The following DLGAP1 variants were observed in gnomAD, a reference collection of about 807,000 sequenced individuals.
DLGAP1 encodes disks large-associated protein 1.
A neutral mutation model predicts 90.8 loss-of-function variants in DLGAP1; 11 were observed. The observed-to-expected ratio is 0.12, with a 90% confidence interval of 0.08 to 0.20. The LOEUF is 0.20. Ranked by LOEUF, DLGAP1 falls within the 10% of genes least tolerant of loss-of-function variation. DLGAP1 has a pLI of 1.00. For missense variants in DLGAP1, 1,050 were observed against 1,333.8 expected (o/e 0.79, Z 3.31); for synonymous variants, 558 against 540.7 (o/e 1.03, Z -0.44).
chr18:3,747,514 C>G (rs8095503), intron 5 of DLGAP1, among the ~76,000 whole-genome samples: 32,246 of 152,186 alleles, frequency 0.21, 4,391 homozygotes, highest in African/African-American at 0.39. Context: ...ATTTTGCAAC[C>G]TGACCCAGAG....
chr18:4,239,083 T>C (rs2078476380), intron 1 of DLGAP1, among the ~76,000 whole-genome samples: 1 of 152,208 alleles, frequency 6.6e-6, no homozygotes, highest in African/African-American at 2.4e-5. Flanking sequence ...AGTGCACAAC[T>C]TCAGAGAGTG....
In DLGAP1 at chr18:4,084,240, T is replaced by TATATAGTAGTATATATAGTATA. The variant is rs1165785756; in HGVS notation, c.-159+66939_-159+66940insTATACTATATATACTACTATAT. 2.0e-5 allele frequency among the ~76,000 whole-genome samples: 3 copies of TATATAGTAGTATATATAGTATA among 151,586 alleles called. No individual in the cohort carries two copies. Among genetic ancestry groups the TATATAGTAGTATATATAGTATA allele is most frequent in the Non-Finnish European group, 4.4e-5 (3 of 67,870 alleles). On this transcript the variant is annotated intron_variant, in intron 2 of 12. Transcript: ENST00000315677. The surrounding 1 kb of genome is among the most constrained non-coding windows in gnomAD (Gnocchi z 4.0). ...GCAGCACGCAGTGGTTATAGTAGCATTCACGATTTGAATTTGAATCCTGTA... is the reference window on the plus strand; with the variant it reads ...GCAGCACGCAGTGGTTATAGTAGCATATATAGTAGTATATATAGTATATCACGATTTGAATTTGAATCCTGTA...
intron 8 of DLGAP1, chr18:3,580,254 G>A (rs1164870467): frequency 1.2e-6 from 2 of 1,603,156 alleles, no homozygotes; most frequent in Non-Finnish European, 1.7e-6. Flanking sequence ...AGACCAGTCA[G>A]TGGAGTGGGG....
chr18:3,933,757 G>A (rs1361758368), intron 3 of DLGAP1, among the ~76,000 whole-genome samples: 1 of 152,164 alleles, frequency 6.6e-6, no homozygotes, highest in Non-Finnish European at 1.5e-5. Flanking sequence ...TTTTGTATCT[G>A]TCTGTGGTTC....
chr18:4,370,790 C>G (rs1158452329), intron 1 of DLGAP1, among the ~76,000 whole-genome samples: 1 of 151,744 alleles, frequency 6.6e-6, no homozygotes, highest in South Asian at 2.1e-4. Context: ...GAAATAAGAC[C>G]TGTTTGTGAT....
intron 3 of DLGAP1, among the ~76,000 whole-genome samples, chr18:3,988,637 T>A (rs1466352536): frequency 6.6e-6 from 1 of 151,962 alleles, no homozygotes; most frequent in South Asian, 2.1e-4. Flanking sequence ...GTGATGCAAA[T>A]GATGGGGAGC....
chr18:4,210,893 G>A (rs2077827052), intron 1 of DLGAP1, among the ~76,000 whole-genome samples: 1 of 152,148 alleles, frequency 6.6e-6, no homozygotes, highest in African/African-American at 2.4e-5. Context: ...GCCCAGGAGA[G>A]GTTCAGTGAC....
chr18:4,376,356 A>T (rs1329323489), intron 1 of DLGAP1, among the ~76,000 whole-genome samples: 1 of 152,036 alleles, frequency 6.6e-6, no homozygotes, highest in East Asian at 1.9e-4. Context: ...TAAAAGCACA[A>T]CTCCCTTTGT....
At chr18:4,337,990 T>G (rs2081109961) in intron 1 of DLGAP1, among the ~76,000 whole-genome samples, 1 of 152,190 alleles carries the variant, frequency 6.6e-6, no homozygotes, top group African/African-American at 2.4e-5. Context: ...AAACACCACA[T>G]ATTTTAAAAC....
intron 1 of DLGAP1, among the ~76,000 whole-genome samples, chr18:4,418,160 A>G (rs561720907): frequency 6.6e-6 from 1 of 152,254 alleles, no homozygotes; most frequent in East Asian, 1.9e-4. Context: ...CCCAACTCCT[A>G]ACTAGTTTTA....
chr18:3,577,822 A>G (rs1227487879), intron 8 of DLGAP1, among the ~76,000 whole-genome samples: 1 of 152,206 alleles, frequency 6.6e-6, no homozygotes, highest in African/African-American at 2.4e-5. Context: ...ATCTAGGGTA[A>G]TCTACTTAAA....
At chr18:3,513,742 G>A (rs998125752) in intron 10 of DLGAP1, among the ~76,000 whole-genome samples, 8 of 152,224 alleles carry the variant, frequency 5.3e-5, no homozygotes, top group Admixed American at 3.9e-4. Flanking sequence ...TATGTTGGCT[G>A]TGGGAAAGGG....
chr18:4,089,752 G>T (rs565760265), intron 2 of DLGAP1, among the ~76,000 whole-genome samples: 1 of 152,106 alleles, frequency 6.6e-6, no homozygotes, highest in Non-Finnish European at 1.5e-5. Flanking sequence ...AATTGAAACC[G>T]GACCTCTTCC....
chr18:3,559,808 A>G (rs952002642), intron 9 of DLGAP1, among the ~76,000 whole-genome samples: 28 of 151,718 alleles, frequency 1.8e-4, no homozygotes, highest in African/African-American at 6.3e-4. Context: ...TTTTTAATAG[A>G]TACGGGGTTT....
At chr18:4,095,526 A>G (rs774356736) in intron 2 of DLGAP1, among the ~76,000 whole-genome samples, 1 of 152,178 alleles carries the variant, frequency 6.6e-6, no homozygotes, top group East Asian at 1.9e-4. Context: ...AACAGGTTAT[A>G]TAAAGAATAT....
intron 3 of DLGAP1, among the ~76,000 whole-genome samples, chr18:3,994,820 T>A (rs1014950188): frequency 6.6e-6 from 1 of 152,236 alleles, no homozygotes; most frequent in Non-Finnish European, 1.5e-5. Context: ...TATTCAAATT[T>A]AAGTAGGCCA....
intron 7 of DLGAP1, among the ~76,000 whole-genome samples, chr18:3,706,097 A>G (rs531981788): frequency 6.6e-6 from 1 of 151,258 alleles, no homozygotes; most frequent in East Asian, 2.0e-4. Flanking sequence ...TTGGGGTTCA[A>G]GTGATTCTCC....
intron 1 of DLGAP1, among the ~76,000 whole-genome samples, chr18:4,253,762 G>A (rs2078830396): frequency 6.6e-6 from 1 of 152,064 alleles, no homozygotes; most frequent in Non-Finnish European, 1.5e-5. Context: ...CACAATTAAG[G>A]CTCTAGATAC....
intron 2 of DLGAP1, among the ~76,000 whole-genome samples, chr18:4,021,179 G>A (rs974732134): frequency 4.6e-5 from 7 of 152,144 alleles, no homozygotes; most frequent in South Asian, 2.1e-4. Flanking sequence ...GCGGCTCTGC[G>A]TGAATTACTC....
Sources: gnomAD v4.1 joint callset for allele counts (sites outside exome capture counted in the v4.1 genomes callset) on GRCh38, gnomAD v4.1.1 for gene constraint, Gnocchi (gnomAD v3.1) non-coding constraint, MANE v1.5 for transcripts, NCBI Gene and HGNC (gene_info 2026-07-23, HGNC 2026-07-21) for gene names.